IGSF21: variants seen among roughly 807,000 people sequenced by gnomAD.
The protein encoded by IGSF21 is immunoglobulin superfamily member 21.
In IGSF21, 28 loss-of-function variants were observed where a neutral mutation model predicts 46.8. That is an observed-to-expected ratio of 0.60 (90% CI 0.44 to 0.82). The LOEUF (loss-of-function observed/expected upper bound fraction) is 0.82, where lower values mean the gene tolerates loss of function less well. Ranked by LOEUF, IGSF21 falls within the 40% of genes least tolerant of loss-of-function variation. The probability of loss-of-function intolerance (pLI) is 0.00; values close to 1 mark genes in which losing one functional copy is unlikely to be tolerated. For synonymous variants in IGSF21, 284 were observed against 273.6 expected, an observed-to-expected ratio of 1.04 and a Z score of -0.38; for missense variants, 624 against 665.5, an observed-to-expected ratio of 0.94 and a Z score of 0.69.
intron 1 of IGSF21, among the ~76,000 whole-genome samples, chr1:18,218,731 G>T (rs1181976803): frequency 6.6e-6 from 1 of 152,074 alleles, no homozygotes; most frequent in Non-Finnish European, 1.5e-5. Flanking sequence ...ACTCACATGG[G>T]GAAAGAAAAT....
At chr1:18,279,246 A>G (rs766873507) in intron 2 of IGSF21, among the ~76,000 whole-genome samples, 5 of 152,164 alleles carry the variant, frequency 3.3e-5, no homozygotes, top group South Asian at 4.1e-4. Context: ...CTGCATGGCA[A>G]TTCTCTCTAG....
At chr1:18,176,003 A>G (rs1466754354) in intron 1 of IGSF21, 1 of 152,174 alleles carries the variant, frequency 6.6e-6, no homozygotes, top group African/African-American at 2.4e-5. Flanking sequence ...ATGCCGCTGG[A>G]TGTGAGCTCA....
intron 2 of IGSF21, among the ~76,000 whole-genome samples, chr1:18,274,566 G>C (rs566517698): frequency 3.9e-5 from 6 of 152,256 alleles, no homozygotes; most frequent in Non-Finnish European, 5.9e-5. Context: ...GGATTGTCCA[G>C]GGCTGTTTTG....
intron 1 of IGSF21, among the ~76,000 whole-genome samples, chr1:18,206,363 A>G (rs969907336): frequency 6.6e-6 from 1 of 152,110 alleles, no homozygotes; most frequent in East Asian, 1.9e-4. Context: ...AGCCTGGGCA[A>G]CATAATGACA....
intron 2 of IGSF21, among the ~76,000 whole-genome samples, chr1:18,288,285 G>A (rs2085234456): frequency 6.6e-6 from 1 of 152,176 alleles, no homozygotes; most frequent in Non-Finnish European, 1.5e-5. Context: ...CCTCCAGGAA[G>A]CCTTCCATGA....
chr1:18,212,674 CA>C (rs1219584865), intron 1 of IGSF21, among the ~76,000 whole-genome samples: 1 of 152,186 alleles, frequency 6.6e-6, no homozygotes, highest in African/African-American at 2.4e-5. Context: ...CAGCCCAACC[CA>C]GGGGGGGTCC....
intron 1 of IGSF21, among the ~76,000 whole-genome samples, chr1:18,164,162 A>T (rs1179878597): frequency 6.6e-6 from 1 of 152,308 alleles, no homozygotes; most frequent in East Asian, 1.9e-4. Context: ...ACAGATGAGG[A>T]AACTGAGGCA....
chr1:18,227,833 C>G (rs1514777), intron 1 of IGSF21, 65 bp from the exon 2 acceptor site: 1 of 1,176,194 alleles, frequency 8.5e-7, no homozygotes, highest in Non-Finnish European at 1.3e-6. Flanking sequence ...CTGGCCCTGC[C>G]CTCATCAGCC....
intron 1 of IGSF21, among the ~76,000 whole-genome samples, chr1:18,190,824 C>G (rs894451385): frequency 6.6e-6 from 1 of 152,180 alleles, no homozygotes; most frequent in African/African-American, 2.4e-5. Flanking sequence ...AGTGCTTTCT[C>G]GGCTGGGCCT....
chr1:18,336,330 G>A (rs970939804), intron 4 of IGSF21, among the ~76,000 whole-genome samples: 3 of 152,196 alleles, frequency 2.0e-5, no homozygotes, highest in Admixed American at 6.5e-5. Context: ...CTCAGGGAAG[G>A]CCCCTCTGCA....
chr1:18,364,871 G>A (rs185193039), intron 5 of IGSF21, among the ~76,000 whole-genome samples: 5 of 152,256 alleles, frequency 3.3e-5, no homozygotes, highest in Non-Finnish European at 4.4e-5. Flanking sequence ...GGTGTAGGCC[G>A]AAGTCCCCAT....
chr1:18,352,128 G>C (rs1460784513), intron 4 of IGSF21, among the ~76,000 whole-genome samples: 1 of 152,174 alleles, frequency 6.6e-6, no homozygotes, highest in Non-Finnish European at 1.5e-5. Context: ...GGCTCCAGAG[G>C]GTTCTCTCCT....
Position 18,219,880 on chromosome 1 carries a change from T to G in IGSF21, c.71-8018T>G, listed in dbSNP as rs150445006. 2.1e-3 allele frequency among the ~76,000 whole-genome samples: 317 copies of G among 152,292 alleles called. 3 individuals are homozygous for G. The highest frequency in any genetic ancestry group is 7.2e-3 in the African/African-American group (301 of 41,550). On this transcript the variant is annotated intron_variant, in intron 1 of 9. Transcript: ENST00000251296. ...AGTCCATGCATCTGGGCTTGTGAGATAGCATGAAGAACCACACCCTCATCT... is the reference window on the plus strand; with the variant it reads ...AGTCCATGCATCTGGGCTTGTGAGAGAGCATGAAGAACCACACCCTCATCT...
At chr1:18,236,919 G>T (rs2084678224) in intron 2 of IGSF21, among the ~76,000 whole-genome samples, 1 of 152,218 alleles carries the variant, frequency 6.6e-6, no homozygotes. Context: ...GGGGGCTAAT[G>T]CCTAGCTAGA....
At chr1:18,166,722 A>T (rs1183066419) in intron 1 of IGSF21, among the ~76,000 whole-genome samples, 1 of 151,882 alleles carries the variant, frequency 6.6e-6, no homozygotes, top group African/African-American at 2.4e-5. Flanking sequence ...GCTCTCAGGG[A>T]CTCATGGTCA....
chr1:18,133,436 C>A (rs1218777520), intron 1 of IGSF21, among the ~76,000 whole-genome samples: 1 of 152,214 alleles, frequency 6.6e-6, no homozygotes, highest in Non-Finnish European at 1.5e-5. Flanking sequence ...AGTCGCTTCA[C>A]CTCTCTGGGC....
intron 2 of IGSF21, among the ~76,000 whole-genome samples, chr1:18,243,019 G>A (rs551046023): frequency 3.3e-5 from 5 of 152,290 alleles, no homozygotes; most frequent in South Asian, 4.1e-4. Context: ...CCCATCAGGC[G>A]CTCAGTGAAG....
intron 1 of IGSF21, among the ~76,000 whole-genome samples, chr1:18,130,132 C>A (rs557043626): frequency 6.6e-6 from 1 of 152,276 alleles, no homozygotes; most frequent in South Asian, 2.1e-4. Context: ...TGACAAAAGC[C>A]CAGTGTCCTT....
chr1:18,320,393 T>G (rs959193568), intron 3 of IGSF21, among the ~76,000 whole-genome samples: 1 of 152,210 alleles, frequency 6.6e-6, no homozygotes, highest in Non-Finnish European at 1.5e-5. Context: ...ATTGAAGGAC[T>G]GGGCTTTTGG....
Sources: gnomAD v4.1 joint callset for allele counts (sites outside exome capture counted in the v4.1 genomes callset) on GRCh38, gnomAD v4.1.1 for gene constraint, MANE v1.5 for transcripts, NCBI Gene and HGNC (gene_info 2026-07-23, HGNC 2026-07-21) for gene names.